The following DNAJC1 variants were observed in gnomAD, a reference collection of about 807,000 sequenced individuals.
DNAJC1 encodes DnaJ heat shock protein family (Hsp40) member C1.
A neutral mutation model predicts 76.6 loss-of-function variants in DNAJC1; 58 were observed. That is an observed-to-expected ratio of 0.76 (90% confidence interval 0.61 to 0.94). The LOEUF is 0.94. DNAJC1 is among the 40% of genes least tolerant of loss of function. DNAJC1 has a pLI of 0.00. For missense variants in DNAJC1, 689 were observed against 677.3 expected (o/e 1.02, Z -0.19); for synonymous variants, 258 against 267.9 (o/e 0.96, Z 0.36).
intron 8 of DNAJC1, among the ~76,000 whole-genome samples, chr10:21,843,546 A>T (rs1835606106): frequency 6.6e-6 from 1 of 151,868 alleles, no homozygotes. Context: ...GGCACGTGCC[A>T]CCATGCCCAG....
At chr10:21,821,899 A>C (rs1835165249) in intron 8 of DNAJC1, among the ~76,000 whole-genome samples, 1 of 152,020 alleles carries the variant, frequency 6.6e-6, no homozygotes, top group South Asian at 2.1e-4. Flanking sequence ...AAAAATGTAT[A>C]AGGACATATC....
intron 1 of DNAJC1, among the ~76,000 whole-genome samples, chr10:21,993,342 C>T (rs1838358352): frequency 6.6e-6 from 1 of 152,164 alleles, no homozygotes; most frequent in South Asian, 2.1e-4. Context: ...TGGCACGTTA[C>T]AGAAAATTGT....
chr10:21,853,742 C>T (rs1235928012), intron 8 of DNAJC1, among the ~76,000 whole-genome samples: 1 of 130,232 alleles, frequency 7.7e-6, no homozygotes, highest in African/African-American at 3.0e-5. Flanking sequence ...TGCAGTAAGC[C>T]GAGATTGCAC....
intron 7 of DNAJC1, among the ~76,000 whole-genome samples, chr10:21,902,090 A>C (rs1836664938): frequency 1.3e-5 from 2 of 152,212 alleles, no homozygotes; most frequent in African/African-American, 4.8e-5. Flanking sequence ...CCTTTTCTAA[A>C]TATACCACTG....
At chr10:21,898,065 T>C (rs1836573176) in intron 7 of DNAJC1, among the ~76,000 whole-genome samples, 1 of 152,164 alleles carries the variant, frequency 6.6e-6, no homozygotes, top group Admixed American at 6.5e-5. Context: ...TTGAATTTCT[T>C]ACACACAGTG....
At chr10:21,819,350 G>C (rs764789346) in intron 8 of DNAJC1, among the ~76,000 whole-genome samples, 1 of 151,826 alleles carries the variant, frequency 6.6e-6, no homozygotes, top group Non-Finnish European at 1.5e-5. Context: ...GCAGTGAGCC[G>C]AGATCACGCC....
chr10:21,913,004 T>A (rs1475502603), intron 6 of DNAJC1, among the ~76,000 whole-genome samples: 2 of 151,368 alleles, frequency 1.3e-5, no homozygotes, highest in African/African-American at 2.4e-5. Flanking sequence ...TTTTTTTTTT[T>A]AGGTAAAAGC....
intron 8 of DNAJC1, among the ~76,000 whole-genome samples, chr10:21,848,820 C>A (rs1018364662): frequency 2.6e-5 from 4 of 152,026 alleles, no homozygotes; most frequent in Non-Finnish European, 5.9e-5. Flanking sequence ...TAGAAATCAG[C>A]AACAGAAGAA....
At chr10:21,837,062 C>T (rs552042413) in intron 8 of DNAJC1, among the ~76,000 whole-genome samples, 143 of 152,344 alleles carry the variant, frequency 9.4e-4, no homozygotes, top group African/African-American at 3.3e-3. Context: ...AGGCGTGCGC[C>T]GCCACGCCTG....
chr10:21,787,179 T>C (rs1331835232), intron 9 of DNAJC1, among the ~76,000 whole-genome samples: 1 of 151,984 alleles, frequency 6.6e-6, no homozygotes, highest in Non-Finnish European at 1.5e-5. Flanking sequence ...AGTACAAAAA[T>C]TAGCCGGGCA....
In DNAJC1 at chr10:21,911,934, G is replaced by C. The variant is rs955279863; in HGVS notation, c.729+6845C>G. ...TGGGCTAAACGTAAGTGTTCTGAGCGTGTTTAAGGTAGGCTAGGCTAAGCT... is the reference window on the plus strand; with the variant it reads ...TGGGCTAAACGTAAGTGTTCTGAGCCTGTTTAAGGTAGGCTAGGCTAAGCT... On this transcript the variant is annotated intron_variant, in intron 6 of 11. Transcript: ENST00000376980. Among the ~76,000 whole-genome samples, 14 of 152,256 alleles carry C rather than the reference G, an allele frequency of 9.2e-5. 1 individual carries two copies. The South Asian group carries it at 1.0e-3, about 11-fold the overall frequency.
intron 10 of DNAJC1, among the ~76,000 whole-genome samples, chr10:21,764,266 C>T (rs1391504538): frequency 6.6e-6 from 1 of 152,174 alleles, no homozygotes; most frequent in Non-Finnish European, 1.5e-5. Context: ...TATTGCGGTA[C>T]AGTCCCATTC....
intron 1 of DNAJC1, among the ~76,000 whole-genome samples, chr10:21,970,088 G>A (rs1476751938): frequency 1.3e-5 from 2 of 152,028 alleles, no homozygotes; most frequent in Admixed American, 1.3e-4. Flanking sequence ...CAATTTATTT[G>A]TATTAGCATT....
At chr10:21,977,062 G>C (rs1052383539) in intron 1 of DNAJC1, among the ~76,000 whole-genome samples, 2 of 152,112 alleles carry the variant, frequency 1.3e-5, no homozygotes, top group African/African-American at 2.4e-5. Flanking sequence ...CAATGAGTCA[G>C]AGCATACTAA....
intron 1 of DNAJC1, among the ~76,000 whole-genome samples, chr10:21,981,135 A>G (rs1244155378): frequency 6.6e-6 from 1 of 152,072 alleles, no homozygotes; most frequent in Non-Finnish European, 1.5e-5. Flanking sequence ...AACAACTAAA[A>G]CCTGAGTGTT....
chr10:21,766,225 C>T (rs1490422896), intron 10 of DNAJC1, 36 bp downstream of exon 10: 3 of 1,487,860 alleles, frequency 2.0e-6, no homozygotes, highest in Middle Eastern at 1.7e-4. Context: ...GAAGAAACCA[C>T]TTTAGATTAA....
At chr10:21,890,016 T>C (rs1836435230) in intron 7 of DNAJC1, among the ~76,000 whole-genome samples, 1 of 152,156 alleles carries the variant, frequency 6.6e-6, no homozygotes, top group Non-Finnish European at 1.5e-5. Context: ...CGGATCCTTC[T>C]CCTGCTAATA....
At chr10:21,859,587 G>T (rs1263646771) in intron 8 of DNAJC1, among the ~76,000 whole-genome samples, 1 of 151,116 alleles carries the variant, frequency 6.6e-6, no homozygotes, top group Non-Finnish European at 1.5e-5. Flanking sequence ...AGACATAGGG[G>T]TTACATAGAC....
chr10:21,857,846 C>T (rs934239390), intron 8 of DNAJC1, among the ~76,000 whole-genome samples: 25 of 151,566 alleles, frequency 1.6e-4, no homozygotes, highest in Non-Finnish European at 1.5e-5. Flanking sequence ...CAGAGCAAGG[C>T]TCCGTCTCAA....
Sources: allele counts gnomAD v4.1 joint callset (sites outside exome capture counted in the v4.1 genomes callset), GRCh38; gene constraint gnomAD v4.1.1; transcripts MANE v1.5; gene names NCBI Gene and HGNC (gene_info 2026-07-23, HGNC 2026-07-21).